The following IMMP1L variants were observed in gnomAD, a reference collection of about 807,000 sequenced individuals.
IMMP1L encodes the protein inner mitochondrial membrane peptidase subunit 1, also known as mitochondrial inner membrane protease subunit 1.
A neutral mutation model predicts 21.8 loss-of-function variants in IMMP1L; 24 were observed. The ratio of observed to expected loss-of-function variants is 1.10; its 90% CI spans 0.80 to 1.55. The LOEUF (loss-of-function observed/expected upper bound fraction) is 1.55, where lower values mean the gene tolerates loss of function less well. Among genes scored for constraint, IMMP1L ranks in the 40% most tolerant of loss-of-function variants. IMMP1L has a pLI of 0.00. For missense variants in IMMP1L, 195 were observed against 200.7 expected (o/e 0.97, Z 0.17); for synonymous variants, 46 against 62.8 (o/e 0.73, Z 1.26).
intron 1 of IMMP1L, chr11:31,473,713 A>C: frequency 2.0e-6 from 2 of 979,022 alleles, no homozygotes; most frequent in South Asian, 4.7e-5. Flanking sequence ...CAATGACTGA[A>C]GTAGACTTAC....
intron 1 of IMMP1L, among the ~76,000 whole-genome samples, chr11:31,491,209 C>A (rs1955243775): frequency 1.3e-5 from 2 of 152,170 alleles, no homozygotes; most frequent in Admixed American, 1.3e-4. Flanking sequence ...ACAGAAAAAG[C>A]CTAGGTTGCC....
At chr11:31,437,661 A>C (rs1300361147) in intron 4 of IMMP1L, among the ~76,000 whole-genome samples, 4 of 152,278 alleles carry the variant, frequency 2.6e-5, no homozygotes, top group African/African-American at 9.6e-5. Context: ...ACACGTTTTG[A>C]AAAATGTACA....
At chr11:31,504,135 A>G (rs1366136963) in intron 1 of IMMP1L, among the ~76,000 whole-genome samples, 1 of 152,106 alleles carries the variant, frequency 6.6e-6, no homozygotes, top group Non-Finnish European at 1.5e-5. Context: ...TGGTTTTAGG[A>G]AAAAAAACAT....
intron 1 of IMMP1L, among the ~76,000 whole-genome samples, chr11:31,475,889 TACTA>T (rs373610672): frequency 9.3e-4 from 142 of 152,094 alleles, no homozygotes; most frequent in South Asian, 3.7e-3. Context: ...AAGGAAAAAA[TACTA>T]ACTCTCAAGA....
intron 1 of IMMP1L, among the ~76,000 whole-genome samples, chr11:31,506,658 TAAA>T (rs775050688): frequency 2.4e-5 from 3 of 125,200 alleles, no homozygotes; most frequent in Non-Finnish European, 3.4e-5. Flanking sequence ...TTATCTTTGT[TAAA>T]AAAAAAAAAA....
At chr11:31,466,870 T>A (rs1254362826) in intron 1 of IMMP1L, among the ~76,000 whole-genome samples, 3 of 152,122 alleles carry the variant, frequency 2.0e-5, no homozygotes, top group Non-Finnish European at 4.4e-5. Context: ...TACGGTTAAC[T>A]ATAATTTATT....
At chr11:31,493,843 T>A (rs149201760) in intron 1 of IMMP1L, among the ~76,000 whole-genome samples, 249 of 152,334 alleles carry the variant, frequency 1.6e-3, no homozygotes, top group African/African-American at 5.5e-3. Flanking sequence ...CAAACCTTAA[T>A]GTTCCAAAAT....
At chr11:31,460,802 T>A in intron 2 of IMMP1L, 88 bp from the exon 3 acceptor site, 2 of 968,520 alleles carry the variant, frequency 2.1e-6, no homozygotes, top group Non-Finnish European at 3.2e-6. Context: ...AGAAAGAAAA[T>A]CAAGCAAATG....
chr11:31,452,754 T>C (rs898421069), intron 4 of IMMP1L: 55 of 1,010,122 alleles, frequency 5.4e-5, no homozygotes, highest in African/African-American at 2.8e-4. Flanking sequence ...TCTTTTTTTT[T>C]CTTTTCTTTT....
At chr11:31,456,975 C>T (rs1193284822) in intron 3 of IMMP1L, among the ~76,000 whole-genome samples, 2 of 144,296 alleles carry the variant, frequency 1.4e-5, no homozygotes, top group Non-Finnish European at 3.0e-5. Context: ...ACCCTCCACA[C>T]AATTCTATAT....
chr11:31,498,946 C>T (rs1465798901), intron 1 of IMMP1L, among the ~76,000 whole-genome samples: 1 of 152,160 alleles, frequency 6.6e-6, no homozygotes, highest in East Asian at 1.9e-4. Context: ...AGTGGAGATA[C>T]TGAAGAAGAT....
chr11:31,485,810 A>C (rs1031733526), intron 1 of IMMP1L, among the ~76,000 whole-genome samples: 8 of 151,960 alleles, frequency 5.3e-5, no homozygotes, highest in Non-Finnish European at 1.2e-4. Flanking sequence ...CCAACACAGC[A>C]TAGAATTCCG....
rs1269318753 is a variant in IMMP1L, at chr11:31,456,363, CT to C, written c.217del (p.Ser73AlafsTer13). ...AATATTTGATTTTGGATCACTTGGG[CT>C]TTTTGCAATCACAATGTCACCTCTG... is the stretch of plus-strand genomic sequence containing the variant. ...IQRGDIVIAK[S>X]PSDPKSNICK... is the part of the protein sequence containing the mutation. On this transcript the variant is annotated frameshift_variant, in exon 4 of 6. Coordinates refer to ENST00000532287, the MANE Select transcript of IMMP1L (RefSeq NM_001304274.2). LOFTEE classifies it high-confidence loss of function. 35 of 1,611,328 alleles carry C rather than the reference CT, an allele frequency of 2.2e-5. No homozygotes were observed. The highest frequency in any genetic ancestry group is 3.0e-5 in the Non-Finnish European group (35 of 1,178,160).
chr11:31,479,151 T>C (rs1592009966), intron 1 of IMMP1L, among the ~76,000 whole-genome samples: 1 of 152,078 alleles, frequency 6.6e-6, no homozygotes, highest in East Asian at 1.9e-4. Flanking sequence ...AAAAAAGTAC[T>C]AAGATTTGCG....
At chr11:31,493,931 G>A (rs989835882) in intron 1 of IMMP1L, among the ~76,000 whole-genome samples, 4 of 152,230 alleles carry the variant, frequency 2.6e-5, no homozygotes, top group African/African-American at 7.2e-5. Context: ...GGGCAACTCC[G>A]CCTCTACGGC....
chr11:31,456,288 G>A lies in IMMP1L; in HGVS notation c.293C>T (p.Pro98Leu). ...LEGDKILTTS[P>L]SDFFKSHSYV... Reference sequence around the variant, plus strand: ...ACTATGGCTTTTAAAGAAATCTGATGGACTAGTGGTGAGGATTTTGTCTCC... The same window carrying A: ...ACTATGGCTTTTAAAGAAATCTGATAGACTAGTGGTGAGGATTTTGTCTCC... Residue 98 changes from proline (P) to leucine (L), a missense_variant, in exon 4 of 6, where the codon CCA (proline) becomes CTA (leucine). Coordinates refer to ENST00000532287, the MANE Select transcript of IMMP1L (RefSeq NM_001304274.2). 1.9e-6 allele frequency: 3 copies of A among 1,600,184 alleles called. No homozygotes were observed. Among genetic ancestry groups the A allele is most frequent in the Non-Finnish European group, 2.6e-6 (3 of 1,171,184 alleles).
At chr11:31,433,737 C>A in intron 4 of IMMP1L, 167 bp from the exon 5 acceptor site, 1 of 444,602 alleles carries the variant, frequency 2.2e-6, no homozygotes. Context: ...TGCACAATAA[C>A]TTTTACTAAA....
chr11:31,453,808 T>A (rs989794813), intron 4 of IMMP1L, among the ~76,000 whole-genome samples: 3 of 152,188 alleles, frequency 2.0e-5, no homozygotes, highest in South Asian at 2.1e-4. Flanking sequence ...TGTGTTTTTT[T>A]AAAAATAATA....
intron 1 of IMMP1L, among the ~76,000 whole-genome samples, chr11:31,507,755 AT>A (rs1160959229): frequency 6.6e-6 from 1 of 152,200 alleles, no homozygotes; most frequent in Non-Finnish European, 1.5e-5. Context: ...TATAACATGA[AT>A]TTATAGCAAG....
Sources: gnomAD v4.1 joint callset for allele counts (sites outside exome capture counted in the v4.1 genomes callset) on GRCh38, gnomAD v4.1.1 for gene constraint, MANE v1.5 for transcripts, NCBI Gene and HGNC (gene_info 2026-07-23, HGNC 2026-07-21) for gene names.